The following PHACTR3 variants were observed in gnomAD, a reference collection of about 807,000 sequenced individuals.
PHACTR3 encodes the protein protein phosphatase 1, regulatory subunit 123.
A neutral mutation model predicts 66.8 loss-of-function variants in PHACTR3; 16 were observed. That is an observed-to-expected ratio of 0.24 (90% CI 0.16 to 0.36). The LOEUF (loss-of-function observed/expected upper bound fraction) is 0.36, where lower values mean the gene tolerates loss of function less well. Ranked by LOEUF, PHACTR3 falls within the 10% of genes least tolerant of loss-of-function variation. The probability of loss-of-function intolerance (pLI) is 1.00; values close to 1 mark genes in which losing one functional copy is unlikely to be tolerated. For missense variants in PHACTR3, 647 were observed against 719.9 expected, an observed-to-expected ratio of 0.90 and a Z score of 1.16; for synonymous variants, 323 against 292.1, an observed-to-expected ratio of 1.11 and a Z score of -1.08.
At chr20:59,664,858 C>T (rs1176791228) in intron 1 of PHACTR3, among the ~76,000 whole-genome samples, 1 of 152,206 alleles carries the variant, frequency 6.6e-6, no homozygotes, top group Non-Finnish European at 1.5e-5. Flanking sequence ...GTGAAGCCTT[C>T]TGTCTGATTC....
chr20:59,783,422 C>T (rs561721376), intron 7 of PHACTR3, among the ~76,000 whole-genome samples: 1 of 151,156 alleles, frequency 6.6e-6, no homozygotes, highest in Non-Finnish European at 1.5e-5. Context: ...ACAGGGCTGC[C>T]CCCCGCCCCG....
rs146565165 is a variant in PHACTR3, at chr20:59,791,556, G to A, written c.1175-14485G>A. 3.4e-3 allele frequency among the ~76,000 whole-genome samples: 519 copies of A among 152,034 alleles called. 1 individual carries two copies. The highest frequency in any genetic ancestry group is 0.012 in the African/African-American group (489 of 41,484). ...GCACTGCCCAGAGGAGTGGCTAGAG[G>A]GTCACTCTGGAGAAGCATGTGAGCA... On this transcript the variant is annotated intron_variant, in intron 7 of 12. Coordinates refer to ENST00000371015, the MANE Select transcript of PHACTR3 (RefSeq NM_080672.5).
intron 1 of PHACTR3, among the ~76,000 whole-genome samples, chr20:59,670,352 T>C (rs2036146811): frequency 6.6e-6 from 1 of 151,942 alleles, no homozygotes; most frequent in Admixed American, 6.6e-5. Context: ...CAGAAATGGG[T>C]GGACTATGAT....
chr20:59,714,053 C>T (rs905684608), intron 1 of PHACTR3, among the ~76,000 whole-genome samples: 1 of 151,958 alleles, frequency 6.6e-6, no homozygotes, highest in African/African-American at 2.4e-5. Flanking sequence ...TGTATGTCTT[C>T]TTTATGAAGT....
chr20:59,773,533 C>T (rs944953608), intron 6 of PHACTR3, 80 bp downstream of exon 6: 175 of 1,402,000 alleles, frequency 1.2e-4, no homozygotes, highest in Non-Finnish European at 1.5e-4. Flanking sequence ...GCTCATGCCA[C>T]GCCCAGGGCC....
At chr20:59,723,088 T>TTCTTTC in intron 1 of PHACTR3, among the ~76,000 whole-genome samples, 1 of 150,242 alleles carries the variant, frequency 6.7e-6, no homozygotes, top group South Asian at 2.1e-4. Context: ...CTTTCTTTCT[T>TTCTTTC]TCTTTCTTTC....
chr20:59,667,990 T>C (rs552151644), intron 1 of PHACTR3, among the ~76,000 whole-genome samples: 18 of 152,338 alleles, frequency 1.2e-4, no homozygotes, highest in African/African-American at 4.3e-4. Context: ...CTTTTGTTAG[T>C]TTTGTAAAGG....
chr20:59,712,528 C>T (rs1339980250), intron 1 of PHACTR3, among the ~76,000 whole-genome samples: 1 of 152,124 alleles, frequency 6.6e-6, no homozygotes, highest in African/African-American at 2.4e-5. Flanking sequence ...GTTCCAGTGA[C>T]TGTTGCAAAT....
intron 1 of PHACTR3, among the ~76,000 whole-genome samples, chr20:59,654,716 C>T (rs1283462999): frequency 1.3e-5 from 2 of 152,114 alleles, no homozygotes; most frequent in African/African-American, 4.8e-5. Context: ...TCACATCACT[C>T]CAGAAATTTT....
chr20:59,601,668 G>A (rs1433208215), upstream of PHACTR3, among the ~76,000 whole-genome samples: 1 of 152,206 alleles, frequency 6.6e-6, no homozygotes, highest in African/African-American at 2.4e-5. Context: ...TTTACCCGGA[G>A]ACCTTATTAT....
chr20:59,746,061 G>C (rs940064837), intron 2 of PHACTR3, among the ~76,000 whole-genome samples: 2 of 152,194 alleles, frequency 1.3e-5, no homozygotes, highest in Non-Finnish European at 2.9e-5. Context: ...CACCTCCCAA[G>C]GTCAGCATTC....
intron 1 of PHACTR3, 48 bp downstream of exon 1, chr20:59,605,180 A>G (rs924144131): frequency 5.6e-6 from 7 of 1,244,722 alleles, no homozygotes; most frequent in South Asian, 2.4e-5. Flanking sequence ...GGCCCGAGGC[A>G]GGTGGCGCTG....
At chr20:59,755,412 T>C (rs2039751324) in intron 4 of PHACTR3, 48 bp downstream of exon 4, 2 of 1,581,052 alleles carry the variant, frequency 1.3e-6, no homozygotes, top group Non-Finnish European at 1.7e-6. Flanking sequence ...AGAATGGCCA[T>C]ACGTCCCCAC....
intron 1 of PHACTR3, among the ~76,000 whole-genome samples, chr20:59,611,057 A>G (rs2033829625): frequency 6.6e-6 from 1 of 152,262 alleles, no homozygotes; most frequent in South Asian, 2.1e-4. Context: ...AATGAGATGC[A>G]AAGAGATTCT....
chr20:59,724,882 G>A (rs2038502582), intron 1 of PHACTR3, among the ~76,000 whole-genome samples: 1 of 152,210 alleles, frequency 6.6e-6, no homozygotes, highest in African/African-American at 2.4e-5. Flanking sequence ...GGTGTGCTGT[G>A]TGCTCAGTGA....
chr20:59,794,896 C>A (rs1010129896), intron 7 of PHACTR3, among the ~76,000 whole-genome samples: 2 of 152,030 alleles, frequency 1.3e-5, no homozygotes, highest in African/African-American at 4.8e-5. Flanking sequence ...TTCCATTTTT[C>A]ATCTCTGATT....
At chr20:59,799,165 C>G (rs1275199513) in intron 7 of PHACTR3, among the ~76,000 whole-genome samples, 1 of 141,330 alleles carries the variant, frequency 7.1e-6, no homozygotes, top group East Asian at 2.1e-4. Context: ...ATGACTGAGT[C>G]CTTTGGCATT....
intron 1 of PHACTR3, among the ~76,000 whole-genome samples, chr20:59,720,559 C>A (rs531468398): frequency 6.6e-6 from 1 of 152,300 alleles, no homozygotes; most frequent in South Asian, 2.1e-4. Context: ...CAGGGCTGGT[C>A]TCCCTCATGC....
intron 7 of PHACTR3, among the ~76,000 whole-genome samples, chr20:59,800,481 C>T (rs573630226): frequency 2.0e-5 from 3 of 152,098 alleles, no homozygotes; most frequent in Non-Finnish European, 4.4e-5. Context: ...AATTGTTGCT[C>T]CACTGTCTTG....
Sources: allele counts gnomAD v4.1 joint callset (sites outside exome capture counted in the v4.1 genomes callset), GRCh38; gene constraint gnomAD v4.1.1; transcripts MANE v1.5; gene names NCBI Gene and HGNC (gene_info 2026-07-23, HGNC 2026-07-21).